Variants in SPTBN4 observed in about 807,000 individuals in gnomAD.
SPTBN4 encodes the protein spectrin beta, non-erythrocytic 4, also known as spectrin beta chain, non-erythrocytic 4.
Under a neutral mutation model 277.8 loss-of-function variants are expected in SPTBN4, and 96 were observed. The ratio of observed to expected loss-of-function variants is 0.35; its 90% CI spans 0.29 to 0.41. The LOEUF (loss-of-function observed/expected upper bound fraction) is 0.41, where lower values mean the gene tolerates loss of function less well. Among genes scored for constraint, SPTBN4 ranks in the 10% least tolerant of loss-of-function variants. The pLI, the probability that SPTBN4 is intolerant of heterozygous loss-of-function variation, is 1.00. For missense variants in SPTBN4, 3,006 were observed against 3,595.7 expected, an observed-to-expected ratio of 0.84 and a Z score of 4.19; for synonymous variants, 1,481 against 1,580.3, an observed-to-expected ratio of 0.94 and a Z score of 1.49.
rs767875195 is a variant in SPTBN4 at position 40,519,009 on chromosome 19, C to T, written c.2904-392C>T. On this transcript the variant is annotated intron_variant, in intron 15 of 35. Transcript: ENST00000598249. The surrounding 1 kb of genome is among the most constrained non-coding windows in gnomAD (Gnocchi z 5.7). ...AAATGTACTAAGAGTGGCATTGTTT[C>T]GTACCTTTGCAAATCTCTTTAAAGT... Among the ~76,000 whole-genome samples, 11 of 152,058 alleles carry T rather than the reference C, an allele frequency of 7.2e-5. No homozygotes were observed. Among genetic ancestry groups the T allele is most frequent in the Admixed American group, 5.2e-4 (8 of 15,254 alleles).
chr19:40,557,213 C>T lies in SPTBN4; in HGVS notation c.5480C>T (p.Ala1827Val). 1 of 1,611,094 alleles carries T rather than the reference C, an allele frequency of 6.2e-7. No homozygotes were observed. Among genetic ancestry groups the T allele is most frequent in the Middle Eastern group, 1.7e-4 (1 of 6,050 alleles). Residue 1827 changes from alanine to valine, a missense_variant, in exon 26 of 36, where the codon GCC becomes GTC. This residue lies in a region of SPTBN4 where 425 missense variants were observed against 594.7 expected (regional missense o/e 0.71). Coordinates refer to ENST00000598249, the MANE Select transcript of SPTBN4 (RefSeq NM_020971.3). ...AELLELMGTR[A>V]QLLAASRELH... is the part of the protein sequence containing the mutation. ...CTGCTGGAGCTCATGGGCACACGGG[C>T]CCAGCTGCTGGCCGCCTCTCGGGAG...
chr19:40,562,741 G>C (rs1342016762), intron 27 of SPTBN4, among the ~76,000 whole-genome samples: 1 of 151,868 alleles, frequency 6.6e-6, no homozygotes, highest in Non-Finnish European at 1.5e-5. Flanking sequence ...GGCTGAGGCA[G>C]GAGAATTGCT....
intron 22 of SPTBN4, among the ~76,000 whole-genome samples, chr19:40,551,397 TCTCACACA>T (rs1057255631): frequency 8.5e-4 from 101 of 118,258 alleles, no homozygotes; most frequent in African/African-American, 3.3e-3. Context: ...TCTCTCTCTC[TCTCACACA>T]CACACACACA....
In SPTBN4 at chr19:40,565,459, C is replaced by T. The variant is rs2081082085; in HGVS notation, c.5952C>T (p.His1984=). 1.2e-6 allele frequency: 2 copies of T among 1,613,934 alleles called. No individual in the cohort carries two copies. The highest frequency in any genetic ancestry group is 8.5e-7 in the Non-Finnish European group (1 of 1,179,978). The change falls in exon 28 of 36, where the codon CAC becomes CAT. Residue 1984 remains histidine, a synonymous_variant. Coordinates refer to ENST00000598249, the MANE Select transcript of SPTBN4 (RefSeq NM_020971.3). The part of the protein sequence containing the change: ...VSSVEVLMNY[H]QGLKTELEAR... Reference sequence around the variant, plus strand: ...CAGTGGAGGTGCTCATGAACTACCACCAGGGCCTGAAGACTGAGCTGGAGG... The same window carrying T: ...CAGTGGAGGTGCTCATGAACTACCATCAGGGCCTGAAGACTGAGCTGGAGG...
chr19:40,475,455 CTTTA>C (rs34506779), intron 2 of SPTBN4, among the ~76,000 whole-genome samples: 3 of 150,704 alleles, frequency 2.0e-5, no homozygotes, highest in African/African-American at 7.3e-5. Flanking sequence ...ATTTTTGGAA[CTTTA>C]TTTATTTATT....
chr19:40,512,505 A>T, intron 13 of SPTBN4, 101 bp from the exon 14 acceptor site: 1 of 1,372,458 alleles, frequency 7.3e-7, no homozygotes. Flanking sequence ...CCGGCATCTG[A>T]TGAAGTCACA....
chr19:40,526,629 GGCTGGAGT>G (rs1449503703), intron 17 of SPTBN4, among the ~76,000 whole-genome samples: 11 of 152,094 alleles, frequency 7.2e-5, no homozygotes, highest in Non-Finnish European at 1.2e-4. Context: ...TTGTTGCCCA[GGCTGGAGT>G]GCAGTGGTGC....
intron 19 of SPTBN4, among the ~76,000 whole-genome samples, chr19:40,533,051 T>C (rs1348670876): frequency 6.6e-6 from 1 of 152,156 alleles, no homozygotes; most frequent in Non-Finnish European, 1.5e-5. Context: ...TAACCTCCTC[T>C]ACCAGGTTCC....
intron 1 of SPTBN4, among the ~76,000 whole-genome samples, chr19:40,469,352 C>T (rs2079859424): frequency 2.0e-5 from 3 of 152,046 alleles, no homozygotes; most frequent in South Asian, 4.1e-4. Context: ...ACAACCTTCG[C>T]CTCCCGGTTT....
intron 1 of SPTBN4, among the ~76,000 whole-genome samples, chr19:40,469,516 GA>G (rs1377610390): frequency 2.6e-5 from 4 of 151,166 alleles, no homozygotes; most frequent in Admixed American, 6.6e-5. Context: ...ACCCGCCTCA[GA>G]CTCCCAAAGT....
At chr19:40,474,620 C>T (rs988430821) in intron 2 of SPTBN4, among the ~76,000 whole-genome samples, 3 of 150,670 alleles carry the variant, frequency 2.0e-5, no homozygotes, top group Middle Eastern at 3.2e-3. Context: ...TTTTTTTTGG[C>T]GAAGCATGGT....
Position 40,489,639 on chromosome 19 carries a change from CGG to C in SPTBN4, c.322-435_322-434del. On this transcript the variant is annotated intron_variant, in intron 3 of 35. Coordinates refer to ENST00000598249, the MANE Select transcript of SPTBN4 (RefSeq NM_020971.3). The stretch of plus-strand genomic sequence containing the variant: ...CTCGCCTCAAGTGAACCACCCGCCT[CGG>C]CCTCCCAAAGTGCTGGGATTACAGG... Among the ~76,000 whole-genome samples, 3 of 152,290 alleles carry C rather than the reference CGG, an allele frequency of 2.0e-5. No individual in the cohort carries two copies. The Middle Eastern group carries it at 0.01, about 518-fold the overall frequency.
Position 40,515,428 on chromosome 19 carries a change from C to T in SPTBN4, c.2883C>T (p.Cys961=). 1 of 1,568,072 alleles carries T rather than the reference C, an allele frequency of 6.4e-7. No homozygotes were observed. The highest frequency in any genetic ancestry group is 8.6e-7 in the Non-Finnish European group (1 of 1,156,132). Residue 961 remains cysteine, a synonymous_variant, in exon 15 of 36, where the codon TGC becomes TGT. Transcript: ENST00000598249. The surrounding 1 kb of genome is among the most constrained non-coding windows in gnomAD (Gnocchi z 4.1). ...GHPSSDEVRS[C]QDHLNSRWNR... Reference sequence around the variant, plus strand: ...CCAGTTCAGATGAGGTGCGTTCCTGCCAGGACCACCTCAACAGCAGGTAGG... The same window carrying T: ...CCAGTTCAGATGAGGTGCGTTCCTGTCAGGACCACCTCAACAGCAGGTAGG...
At chr19:40,549,091 G>T in intron 20 of SPTBN4, 98 bp from the exon 21 acceptor site, 1 of 1,000,642 alleles carries the variant, frequency 1.0e-6, no homozygotes, top group Non-Finnish European at 1.4e-6. Flanking sequence ...AGGGTGGGCC[G>T]CGGTGAGGGG....
chr19:40,469,303 C>T (rs183743070), intron 1 of SPTBN4, among the ~76,000 whole-genome samples: 3 of 151,922 alleles, frequency 2.0e-5, no homozygotes, highest in African/African-American at 7.2e-5. Flanking sequence ...CTTACTCTGT[C>T]GCCCAGGCTA....
In SPTBN4 at chr19:40,502,238, A is replaced by G. The variant is rs148551169; in HGVS notation, c.1008A>G (p.Lys336=). ...HRTVGLISNQ[K]FANSLSGVQQ... is the part of the protein sequence containing the mutation. ...CCGTGGGCCTCATCAGCAATCAGAA[A>G]TTTGCCAACTCCTTAAGTGGGGTGC... Residue 336 remains lysine (K), a synonymous_variant, in exon 9 of 36, where the codon AAA becomes AAG. Coordinates refer to ENST00000598249, the MANE Select transcript of SPTBN4 (RefSeq NM_020971.3). This position sits in a 1 kb window ranked among gnomAD's most constrained non-coding sequence, Gnocchi z 4.9. 1.1e-5 allele frequency: 18 copies of G among 1,613,334 alleles called. No individual in the cohort carries two copies. In the African/African-American group the frequency reaches 2.0e-4, roughly 18 times the overall value.
At chr19:40,542,797 C>CT (rs1301694006) in intron 20 of SPTBN4, among the ~76,000 whole-genome samples, 20 of 147,048 alleles carry the variant, frequency 1.4e-4, no homozygotes, top group African/African-American at 2.5e-4. Flanking sequence ...TCTTTCTTTC[C>CT]TTTTTTTTTT....
intron 2 of SPTBN4, among the ~76,000 whole-genome samples, chr19:40,475,011 A>C (rs1456998518): frequency 6.6e-6 from 1 of 152,066 alleles, no homozygotes. Flanking sequence ...CTTTGATTAC[A>C]GGGGTAAGCC....
chr19:40,514,480 C>T (rs956815345), intron 14 of SPTBN4, among the ~76,000 whole-genome samples: 2 of 152,116 alleles, frequency 1.3e-5, no homozygotes, highest in Non-Finnish European at 2.9e-5. Flanking sequence ...GTAAACAGGC[C>T]ATGGAGACTG....
Sources: gnomAD v4.1 joint callset for allele counts (sites outside exome capture counted in the v4.1 genomes callset) on GRCh38, gnomAD v4.1.1 for gene constraint, gnomAD v4.1.1 regional missense constraint, Gnocchi (gnomAD v3.1) non-coding constraint, MANE v1.5 for transcripts, NCBI Gene and HGNC (gene_info 2026-07-23, HGNC 2026-07-21) for gene names.